Variants in MYZAP observed in about 807,000 individuals in gnomAD.
MYZAP encodes myocardial zonula adherens protein.
A neutral mutation model predicts 69.4 loss-of-function variants in MYZAP; 66 were observed. That is an observed-to-expected ratio of 0.95 (90% CI 0.78 to 1.17). MYZAP has a LOEUF of 1.17. Among genes scored for constraint, MYZAP ranks in the 50% most tolerant of loss-of-function variants. The pLI is 0.00. For missense variants in MYZAP, 611 were observed against 556.2 expected, an observed-to-expected ratio of 1.10 and a Z score of -0.99; for synonymous variants, 256 against 205.9, an observed-to-expected ratio of 1.24 and a Z score of -2.09.
intron 2 of MYZAP, among the ~76,000 whole-genome samples, chr15:57,613,477 C>G (rs1477012149): frequency 6.6e-6 from 1 of 151,752 alleles, no homozygotes; most frequent in Non-Finnish European, 1.5e-5. Flanking sequence ...CTCAAGCAAT[C>G]TTCCCACCTT....
At chr15:57,618,672 G>A (rs143565028) in intron 3 of MYZAP, among the ~76,000 whole-genome samples, 2,249 of 152,268 alleles carry the variant, frequency 0.015, 29 homozygotes, top group South Asian at 0.045. Context: ...TAAGTTACAT[G>A]TTCTTTTGAG....
At chr15:57,656,847 A>G (rs992359005) in intron 10 of MYZAP, among the ~76,000 whole-genome samples, 2 of 152,220 alleles carry the variant, frequency 1.3e-5, no homozygotes, top group Non-Finnish European at 2.9e-5. Context: ...GCACAATAGC[A>G]TACTTGTTTC....
chr15:57,641,420 A>T (rs1448851822), intron 10 of MYZAP, among the ~76,000 whole-genome samples: 1 of 152,156 alleles, frequency 6.6e-6, no homozygotes, highest in East Asian at 1.9e-4. Context: ...GTGTATACAT[A>T]TGTATATGTG....
chr15:57,616,016 C>G (rs1473714481), intron 2 of MYZAP, among the ~76,000 whole-genome samples: 1 of 152,172 alleles, frequency 6.6e-6, no homozygotes, highest in Non-Finnish European at 1.5e-5. Context: ...AAAAGTCACC[C>G]TGATCTCTAG....
In MYZAP at chr15:57,658,285, A is replaced by G. The variant is rs151132487; in HGVS notation, c.1120-3165A>G. 1.1e-3 allele frequency among the ~76,000 whole-genome samples: 170 copies of G among 152,224 alleles called. 1 individual carries two copies. The highest frequency in any genetic ancestry group is 3.9e-3 in the African/African-American group (160 of 41,536). ...CCCAGACATTCTGCATATGTTTCCT[A>G]TACACTTCACCGTGCATCTCTGAAC... On this transcript the variant is annotated intron_variant, in intron 10 of 12. Transcript: ENST00000267853.
chr15:57,623,765 G>A (rs1255560058), intron 4 of MYZAP, among the ~76,000 whole-genome samples: 2 of 147,158 alleles, frequency 1.4e-5, no homozygotes, highest in African/African-American at 5.0e-5. Context: ...TAAGATAAAC[G>A]ATGTATCTCT....
chr15:57,613,176 C>T (rs2035219708), intron 2 of MYZAP, among the ~76,000 whole-genome samples: 1 of 152,166 alleles, frequency 6.6e-6, no homozygotes, highest in African/African-American at 2.4e-5. Context: ...TTGTGATCCA[C>T]CTGCCTCGGC....
intron 7 of MYZAP, 146 bp downstream of exon 7, chr15:57,632,705 C>T: frequency 7.5e-7 from 1 of 1,326,374 alleles, no homozygotes; most frequent in African/African-American, 1.5e-5. Flanking sequence ...TTCATCTGCT[C>T]ATTCACTCCC....
At chr15:57,634,048 C>T (rs2036667801) in intron 8 of MYZAP, among the ~76,000 whole-genome samples, 1 of 152,116 alleles carries the variant, frequency 6.6e-6, no homozygotes, top group Non-Finnish European at 1.5e-5. Flanking sequence ...TTATCAAGCC[C>T]TATTTAGGTG....
chr15:57,653,567 A>C (rs1402757158), intron 10 of MYZAP, among the ~76,000 whole-genome samples: 1 of 152,180 alleles, frequency 6.6e-6, no homozygotes, highest in African/African-American at 2.4e-5. Flanking sequence ...TGTGACCATC[A>C]GTTTTGTTTT....
intron 11 of MYZAP, among the ~76,000 whole-genome samples, chr15:57,669,450 T>G (rs2038765747): frequency 6.6e-6 from 1 of 152,192 alleles, no homozygotes. Context: ...TAATGTCTCT[T>G]TAATTTCTGA....
intron 1 of MYZAP, among the ~76,000 whole-genome samples, chr15:57,598,828 C>T (rs1158926903): frequency 6.6e-6 from 1 of 152,186 alleles, no homozygotes; most frequent in African/African-American, 2.4e-5. Flanking sequence ...GACTAGAACG[C>T]CTTGCCTGAT....
intron 2 of MYZAP, among the ~76,000 whole-genome samples, chr15:57,610,437 C>T (rs1567204097): frequency 6.6e-6 from 1 of 152,282 alleles, no homozygotes; most frequent in East Asian, 1.9e-4. Context: ...TTCAGAGCTT[C>T]AGGTGGGGGC....
chr15:57,603,155 G>T (rs4774275), intron 1 of MYZAP, among the ~76,000 whole-genome samples: 1 of 151,850 alleles, frequency 6.6e-6, no homozygotes, highest in Non-Finnish European at 1.5e-5. Flanking sequence ...ATAAACTGAC[G>T]TGAGAATCTC....
At chr15:57,632,800 C>T (rs1348508355) in intron 7 of MYZAP, among the ~76,000 whole-genome samples, 1 of 152,188 alleles carries the variant, frequency 6.6e-6, no homozygotes, top group African/African-American at 2.4e-5. Context: ...ACACCTTTTT[C>T]TAGCTCATCT....
intron 8 of MYZAP, among the ~76,000 whole-genome samples, chr15:57,637,204 T>C (rs2036867867): frequency 6.6e-6 from 1 of 152,178 alleles, no homozygotes; most frequent in African/African-American, 2.4e-5. Flanking sequence ...ACACATAGGA[T>C]TCAGGAATCA....
chr15:57,629,889 A>G lies in MYZAP; in HGVS notation c.678+35A>G, dbSNP rs140272102. 446 of 1,598,712 alleles carry G rather than the reference A, an allele frequency of 2.8e-4. 1 individual carries two copies. The African/African-American group carries it at 5.7e-3, about 21-fold the overall frequency. On this transcript the variant is annotated intron_variant, in intron 6 of 12. Coordinates refer to ENST00000267853, the MANE Select transcript of MYZAP (RefSeq NM_001018100.5). The stretch of plus-strand genomic sequence containing the variant: ...AAAAGCCTAGATTTATTTTCTATGA[A>G]CTTTTCTCCTCTTTACTTCTCCCTT...
intron 12 of MYZAP, among the ~76,000 whole-genome samples, chr15:57,675,692 A>G (rs2039081904): frequency 6.6e-6 from 1 of 152,140 alleles, no homozygotes; most frequent in Non-Finnish European, 1.5e-5. Context: ...TGACCTGTTC[A>G]TTGTTAAGCT....
At chr15:57,633,982 T>C (rs996958781) in intron 8 of MYZAP, among the ~76,000 whole-genome samples, 1 of 152,216 alleles carries the variant, frequency 6.6e-6, no homozygotes, top group Non-Finnish European at 1.5e-5. Flanking sequence ...AAAATTAATA[T>C]TTTAGCAGCC....
Sources: allele counts gnomAD v4.1 joint callset (sites outside exome capture counted in the v4.1 genomes callset), GRCh38; gene constraint gnomAD v4.1.1; transcripts MANE v1.5; gene names NCBI Gene and HGNC (gene_info 2026-07-23, HGNC 2026-07-21).